The following ZMYM2 variants were observed in gnomAD, a reference collection of about 807,000 sequenced individuals.
ZMYM2 encodes zinc finger MYM-type containing 2.
Under a neutral mutation model 162.8 loss-of-function variants are expected in ZMYM2, and 56 were observed. The ratio of observed to expected loss-of-function variants is 0.34; its 90% CI spans 0.28 to 0.43. The LOEUF is 0.43. ZMYM2 is among the 20% of genes least tolerant of loss of function. The probability of loss-of-function intolerance (pLI) is 1.00; values close to 1 mark genes in which losing one functional copy is unlikely to be tolerated. For synonymous variants in ZMYM2, 510 were observed against 541.6 expected (o/e 0.94, Z 0.81); for missense variants, 1,275 against 1,621.8 (o/e 0.79, Z 3.67).
Position 20,002,898 on chromosome 13 carries a change from C to T in ZMYM2, c.896C>T (p.Pro299Leu), listed in dbSNP as rs1386725404. The change falls in exon 4 of 25, where the codon CCA becomes CTA. Residue 299 changes from proline (P) to leucine (L), a missense_variant. Physicochemically the swap from Pro to Leu is moderately conservative, Grantham distance 98. Transcript: ENST00000610343. Reference sequence around the variant, plus strand: ...TCATTTCCCCGTAATCAGAAACAACCAGGGGTGGACTCTTTATCACCAGTG... The same window carrying T: ...TCATTTCCCCGTAATCAGAAACAACTAGGGGTGGACTCTTTATCACCAGTG... ...SASFPRNQKQ[P>L]GVDSLSPVAS... 1 of 1,613,976 alleles carries T rather than the reference C, an allele frequency of 6.2e-7. No individual in the cohort carries two copies. The highest frequency in any genetic ancestry group is 8.5e-7 in the Non-Finnish European group (1 of 1,180,008).
chr13:19,937,774 G>A, the ZMYM2 span, among the ~76,000 whole-genome samples: 16 of 143,200 alleles, frequency 1.1e-4, no homozygotes, highest in Non-Finnish European at 1.8e-4. Flanking sequence ...ATCTCCTAGT[G>A]CTATCCCTCC....
At chr13:20,031,279 C>A in intron 9 of ZMYM2, 40 bp from the exon 10 acceptor site, 1 of 1,379,480 alleles carries the variant, frequency 7.2e-7, no homozygotes, top group South Asian at 1.3e-5. Flanking sequence ...GAAATTCAAA[C>A]ATACATGTCA....
At chr13:19,897,771 G>T in the ZMYM2 span, among the ~76,000 whole-genome samples, 5 of 151,868 alleles carry the variant, frequency 3.3e-5, no homozygotes, top group African/African-American at 4.8e-5. Context: ...ATATGTAATT[G>T]ACCATATAAA....
At chr13:19,901,067 G>C in the ZMYM2 span, among the ~76,000 whole-genome samples, 1 of 152,080 alleles carries the variant, frequency 6.6e-6, no homozygotes, top group African/African-American at 2.4e-5. Context: ...CATTCATACA[G>C]AGAGACAGAA....
chr13:20,049,681 A>ACC lies in ZMYM2; in HGVS notation c.2293-1751_2293-1750dup, dbSNP rs1238713284. ...CCTATCTCTGCATTTTTAATATTTG[A>ACC]CCTTAGTCAAGTCATTTAATCTTTC... On this transcript the variant is annotated intron_variant, in intron 12 of 24. Coordinates refer to ENST00000610343, the MANE Select transcript of ZMYM2 (RefSeq NM_197968.4). 5.9e-5 allele frequency among the ~76,000 whole-genome samples: 9 copies of ACC among 152,122 alleles called. No individual in the cohort carries two copies. The South Asian group carries it at 1.2e-3, about 21-fold the overall frequency.
the ZMYM2 span, among the ~76,000 whole-genome samples, chr13:19,904,490 G>A: frequency 3.9e-5 from 6 of 152,176 alleles, no homozygotes; most frequent in African/African-American, 9.6e-5. Context: ...TGCAGGAGGC[G>A]GAGGTTGCTG....
At chr13:19,901,635 C>A in the ZMYM2 span, among the ~76,000 whole-genome samples, 3 of 152,020 alleles carry the variant, frequency 2.0e-5, no homozygotes, top group South Asian at 6.2e-4. Context: ...AGGCGTGGTG[C>A]CTGGCTAATT....
intron 3 of ZMYM2, among the ~76,000 whole-genome samples, chr13:19,996,026 T>C (rs746622400): frequency 6.6e-6 from 1 of 151,354 alleles, no homozygotes; most frequent in Non-Finnish European, 1.5e-5. Flanking sequence ...TTTCATGACA[T>C]GTCTGTGGAT....
chr13:20,087,418 G>T lies in ZMYM2; in HGVS notation c.*1404G>T, dbSNP rs1206216349. 1 of 190,098 alleles carries T rather than the reference G, an allele frequency of 5.3e-6. No homozygotes were observed. Among genetic ancestry groups the T allele is most frequent in the Non-Finnish European group, 1.1e-5 (1 of 90,628 alleles). 11.8% of individuals were successfully genotyped at this position (190,098 alleles called of 1,614,324 possible). ...CTTGAAATCATTTGGCTCTTTTCTAGCATGTGTGTAATCATGTTTTCTTCT... is the reference window on the plus strand; with the variant it reads ...CTTGAAATCATTTGGCTCTTTTCTATCATGTGTGTAATCATGTTTTCTTCT... On this transcript the variant is annotated 3_prime_UTR_variant, in exon 25 of 25. Transcript: ENST00000610343.
intron 21 of ZMYM2, among the ~76,000 whole-genome samples, chr13:20,080,155 TTAAC>T (rs766347310): frequency 5.3e-4 from 81 of 152,332 alleles, no homozygotes; most frequent in Middle Eastern, 3.4e-3. Flanking sequence ...CATCAACCCT[TTAAC>T]TAACCCAAAA....
chr13:20,084,281 G>A (rs1321088821), intron 24 of ZMYM2, among the ~76,000 whole-genome samples: 2 of 152,176 alleles, frequency 1.3e-5, no homozygotes, highest in East Asian at 1.9e-4. Flanking sequence ...CCAAAGTGCT[G>A]GAATTACAGG....
In ZMYM2 at chr13:20,058,837, A is replaced by G; in HGVS notation, c.2623+133A>G. On this transcript the variant is annotated intron_variant, in intron 15 of 24. Transcript: ENST00000610343. ...TTGTCATTTTCTGTTGATTTTGCTT[A>G]CGTAATTTTAGATATTACCTGGAGA... 2.4e-6 allele frequency: 3 copies of G among 1,254,436 alleles called. No individual in the cohort carries two copies. The South Asian group carries it at 3.7e-5, about 15-fold the overall frequency. 77.7% of individuals were successfully genotyped at this position (1,254,436 alleles called of 1,614,324 possible).
intron 2 of ZMYM2, among the ~76,000 whole-genome samples, chr13:19,992,807 C>T (rs562244683): frequency 6.6e-6 from 1 of 151,478 alleles, no homozygotes; most frequent in African/African-American, 2.4e-5. Context: ...ATATGATTAC[C>T]ATGAATATAT....
the ZMYM2 span, among the ~76,000 whole-genome samples, chr13:19,874,216 ATTTCTT>A: frequency 4.6e-5 from 7 of 151,748 alleles, no homozygotes; most frequent in South Asian, 2.1e-4. Flanking sequence ...GATTTTCTTT[ATTTCTT>A]TTTCTTTTTC....
the ZMYM2 span, among the ~76,000 whole-genome samples, chr13:19,920,738 GTA>G: frequency 9.4e-4 from 7 of 7,448 alleles, no homozygotes; most frequent in East Asian, 6.2e-3. Flanking sequence ...ATTTATGTGT[GTA>G]TGTATGTATG....
chr13:20,015,889 T>G (rs796577841), intron 6 of ZMYM2, among the ~76,000 whole-genome samples: 2 of 152,092 alleles, frequency 1.3e-5, no homozygotes, highest in Admixed American at 6.5e-5. Flanking sequence ...AAATCCTTCC[T>G]TATCAGTAAT....
At chr13:19,990,991 GC>G (rs1238431222) in intron 2 of ZMYM2, among the ~76,000 whole-genome samples, 1 of 151,858 alleles carries the variant, frequency 6.6e-6, no homozygotes, top group African/African-American at 2.4e-5. Context: ...TACCACCTGA[GC>G]CCATGATCTG....
At chr13:20,076,682 CT>C (rs1479781192) in intron 21 of ZMYM2, among the ~76,000 whole-genome samples, 37 of 150,052 alleles carry the variant, frequency 2.5e-4, no homozygotes, top group Non-Finnish European at 4.7e-4. Flanking sequence ...ACTTTATTTA[CT>C]AAATTAAAAA....
the ZMYM2 span, among the ~76,000 whole-genome samples, chr13:19,900,145 A>G: frequency 6.6e-6 from 1 of 151,988 alleles, no homozygotes; most frequent in Non-Finnish European, 1.5e-5. Flanking sequence ...TACTAAAAAT[A>G]CAAAAATTAG....
Sources: allele counts gnomAD v4.1 joint callset (sites outside exome capture counted in the v4.1 genomes callset), GRCh38; gene constraint gnomAD v4.1.1; transcripts MANE v1.5; gene names NCBI Gene and HGNC (gene_info 2026-07-23, HGNC 2026-07-21).